Variants in PEPD observed in about 807,000 individuals in gnomAD.
The protein encoded by PEPD is peptidase D.
A neutral mutation model predicts 60.7 loss-of-function variants in PEPD; 53 were observed. That is an observed-to-expected ratio of 0.87 (90% CI 0.70 to 1.10). The LOEUF is 1.10. PEPD is among the 50% of genes least tolerant of loss of function. The probability of loss-of-function intolerance (pLI) is 0.00; values close to 1 mark genes in which losing one functional copy is unlikely to be tolerated. For synonymous variants in PEPD, 267 were observed against 284.1 expected (o/e 0.94, Z 0.60); for missense variants, 711 against 711.9 (o/e 1.00, Z 0.01).
chr19:33,487,597 G>T (rs1020039274), intron 6 of PEPD, among the ~76,000 whole-genome samples: 5 of 148,910 alleles, frequency 3.4e-5, no homozygotes, highest in South Asian at 2.1e-4. Context: ...CACCCGGGGT[G>T]GGGGGCAGTG....
chr19:33,508,028 A>T lies in PEPD; in HGVS notation c.329+3000T>A, dbSNP rs577824263. The stretch of plus-strand genomic sequence containing the variant: ...TACACAGCCTTTTCCAACAGGGGAG[A>T]CCCCTGTTGGAAACCCCTGGAAACC... On this transcript the variant is annotated intron_variant, in intron 3 of 14. Coordinates refer to ENST00000244137, the MANE Select transcript of PEPD (RefSeq NM_000285.4). 1.1e-4 allele frequency among the ~76,000 whole-genome samples: 17 copies of T among 151,220 alleles called. No homozygotes were observed. In the East Asian group the frequency reaches 2.4e-3, roughly 21 times the overall value.
At chr19:33,393,100 C>T (rs1308146685) in intron 12 of PEPD, among the ~76,000 whole-genome samples, 1 of 152,146 alleles carries the variant, frequency 6.6e-6, no homozygotes, top group East Asian at 1.9e-4. Context: ...AGCAGGGATC[C>T]TCCTCAGAGC....
chr19:33,466,520 A>C (rs1207740982), intron 7 of PEPD, among the ~76,000 whole-genome samples: 2 of 152,252 alleles, frequency 1.3e-5, no homozygotes, highest in Non-Finnish European at 1.5e-5. Context: ...ATGGGGATAG[A>C]AGAACAAGCT....
chr19:33,515,388 C>T (rs117719368), intron 1 of PEPD, among the ~76,000 whole-genome samples: 1,769 of 152,272 alleles, frequency 0.012, 30 homozygotes, highest in South Asian at 0.072. Flanking sequence ...TGGACACCAG[C>T]GGCCAGAGCT....
chr19:33,405,100 C>T (rs1411824248), intron 11 of PEPD, among the ~76,000 whole-genome samples: 1 of 152,240 alleles, frequency 6.6e-6, no homozygotes. Context: ...AGACAGGATG[C>T]ATCTCCAAAC....
At chr19:33,394,369 G>T (rs898887346) in intron 12 of PEPD, among the ~76,000 whole-genome samples, 3 of 152,216 alleles carry the variant, frequency 2.0e-5, no homozygotes, top group African/African-American at 4.8e-5. Flanking sequence ...CTTCCCGGGG[G>T]CAGGCCCGGC....
chr19:33,428,145 A>G (rs1187284937), intron 9 of PEPD, among the ~76,000 whole-genome samples: 1 of 152,210 alleles, frequency 6.6e-6, no homozygotes, highest in East Asian at 1.9e-4. Flanking sequence ...CAGCCTGCAC[A>G]CACTCTGAAG....
intron 7 of PEPD, among the ~76,000 whole-genome samples, chr19:33,469,876 C>A (rs1413000316): frequency 6.6e-6 from 1 of 151,732 alleles, no homozygotes; most frequent in African/African-American, 2.4e-5. Flanking sequence ...TCTCTCTTCA[C>A]CCCCATCATG....
chr19:33,420,702 A>AAAATAAATAAATAAATAAAT (rs61576295), intron 9 of PEPD, among the ~76,000 whole-genome samples: 29 of 149,308 alleles, frequency 1.9e-4, no homozygotes, highest in African/African-American at 2.2e-4. Flanking sequence ...ACTCTGTCTC[A>AAAATAAATAAATAAATAAAT]AAATAAATAA....
intron 10 of PEPD, among the ~76,000 whole-genome samples, chr19:33,413,082 C>T (rs1968813260): frequency 6.6e-6 from 1 of 152,260 alleles, no homozygotes; most frequent in African/African-American, 2.4e-5. Context: ...AGCAGGCACA[C>T]CAACAGTGAC....
intron 6 of PEPD, among the ~76,000 whole-genome samples, chr19:33,481,426 C>T (rs1181586098): frequency 6.6e-6 from 1 of 151,830 alleles, no homozygotes; most frequent in African/African-American, 2.4e-5. Context: ...ATTAGCCGGG[C>T]GTGGTGGCTT....
chr19:33,406,212 C>T (rs1050102497), intron 11 of PEPD, among the ~76,000 whole-genome samples: 16 of 152,220 alleles, frequency 1.1e-4, no homozygotes, highest in African/African-American at 3.4e-4. Flanking sequence ...ACCAGTGTCT[C>T]ATGATGTCTG....
intron 1 of PEPD, among the ~76,000 whole-genome samples, chr19:33,513,293 T>C (rs1970963012): frequency 6.6e-6 from 1 of 152,096 alleles, no homozygotes; most frequent in South Asian, 2.1e-4. Context: ...TACCCAGTCC[T>C]TCAGCTCAAA....
chr19:33,481,670 C>T (rs954070543), intron 6 of PEPD, among the ~76,000 whole-genome samples: 2 of 152,088 alleles, frequency 1.3e-5, no homozygotes, highest in African/African-American at 4.8e-5. Context: ...GACCAAATGT[C>T]TTCTATGAAA....
chr19:33,504,542 T>C (rs1970764661), intron 3 of PEPD, among the ~76,000 whole-genome samples: 2 of 152,150 alleles, frequency 1.3e-5, no homozygotes, highest in Non-Finnish European at 1.5e-5. Context: ...GGTGGGCAGA[T>C]CACCTGAGGT....
intron 13 of PEPD, among the ~76,000 whole-genome samples, chr19:33,390,336 T>G (rs940321964): frequency 6.6e-6 from 1 of 152,254 alleles, no homozygotes; most frequent in East Asian, 1.9e-4. Context: ...ATGGGATGAA[T>G]AGACATTAGG....
chr19:33,426,522 C>A (rs1167920148), intron 9 of PEPD, among the ~76,000 whole-genome samples: 1 of 152,230 alleles, frequency 6.6e-6, no homozygotes, highest in Non-Finnish European at 1.5e-5. Flanking sequence ...GGGTCTAGTA[C>A]CCAGTTCCCT....
In PEPD at chr19:33,482,613, A is replaced by C. The variant is rs148043029; in HGVS notation, c.504-4523T>G. 1.5e-3 allele frequency among the ~76,000 whole-genome samples: 224 copies of C among 152,240 alleles called. 1 individual carries two copies. Among genetic ancestry groups the C allele is most frequent in the Non-Finnish European group, 2.9e-3 (195 of 68,038 alleles). On this transcript the variant is annotated intron_variant, in intron 6 of 14. Transcript: ENST00000244137. ...TTCTAGCCAAGGCAAACAGGCAAGA[A>C]AAGACATGAAAGGCATCCAGACGAC...
chr19:33,415,204 C>T (rs4805035), intron 9 of PEPD, among the ~76,000 whole-genome samples: 56,664 of 151,812 alleles, frequency 0.37, 11,050 homozygotes, highest in African/African-American at 0.46. Flanking sequence ...CCAACAGAAG[C>T]GAACCTCAGA....
Sources: allele counts gnomAD v4.1 joint callset (sites outside exome capture counted in the v4.1 genomes callset), GRCh38; gene constraint gnomAD v4.1.1; transcripts MANE v1.5; gene names NCBI Gene and HGNC (gene_info 2026-07-23, HGNC 2026-07-21).